The following WDFY4 variants were observed in gnomAD, a reference collection of about 807,000 sequenced individuals.
WDFY4 encodes WD repeat- and FYVE domain-containing protein 4.
WDFY4 carries 169 observed loss-of-function variants against 351.9 expected under a neutral mutation model. The ratio of observed to expected loss-of-function variants is 0.48; its 90% CI spans 0.42 to 0.55. The LOEUF (loss-of-function observed/expected upper bound fraction) is 0.55, where lower values mean the gene tolerates loss of function less well. Among genes scored for constraint, WDFY4 ranks in the 20% least tolerant of loss-of-function variants. The pLI is 0.00. For synonymous variants in WDFY4, 1,622 were observed against 1,574.6 expected (o/e 1.03, Z -0.71); for missense variants, 3,803 against 3,935.6 (o/e 0.97, Z 0.90).
intron 23 of WDFY4, among the ~76,000 whole-genome samples, chr10:48,793,673 C>A (rs11101487): frequency 0.051 from 7,738 of 152,200 alleles, 249 homozygotes; most frequent in Middle Eastern, 0.082. Context: ...TTCATAAGAG[C>A]GTGTGTCCGG....
intron 36 of WDFY4, among the ~76,000 whole-genome samples, chr10:48,827,886 G>T (rs544279558): frequency 3.8e-5 from 5 of 130,684 alleles, no homozygotes; most frequent in African/African-American, 1.8e-4. Context: ...GTTTAATTTG[G>T]GGAAGTTTTT....
intron 34 of WDFY4, among the ~76,000 whole-genome samples, chr10:48,821,868 C>G (rs1388685699): frequency 1.3e-5 from 2 of 152,198 alleles, no homozygotes; most frequent in Non-Finnish European, 2.9e-5. Context: ...TGCCACTGGA[C>G]AGTCATGCGA....
intron 58 of WDFY4, chr10:48,975,242 C>T (rs1842516736): frequency 4.2e-6 from 3 of 720,784 alleles, no homozygotes; most frequent in Admixed American, 4.6e-5. Flanking sequence ...ACTTTCCTCC[C>T]TCTGGTGTTG....
chr10:48,834,715 T>C (rs1015749192), intron 39 of WDFY4, among the ~76,000 whole-genome samples: 5 of 152,172 alleles, frequency 3.3e-5, no homozygotes, highest in African/African-American at 4.8e-5. Flanking sequence ...GGCTGGGAGC[T>C]AGGGAAGGAA....
chr10:48,800,842 C>T (rs1441404054), intron 24 of WDFY4, among the ~76,000 whole-genome samples: 3 of 151,324 alleles, frequency 2.0e-5, no homozygotes, highest in Admixed American at 2.0e-4. Context: ...AAGTAATTCT[C>T]CTGCCTCAGC....
intron 39 of WDFY4, among the ~76,000 whole-genome samples, chr10:48,865,428 T>C (rs2069509581): frequency 6.6e-6 from 1 of 152,222 alleles, no homozygotes; most frequent in Admixed American, 6.5e-5. Context: ...CACTTGGTCA[T>C]GGTATATAAT....
intron 43 of WDFY4, among the ~76,000 whole-genome samples, chr10:48,885,356 T>A (rs1313311055): frequency 6.6e-6 from 1 of 152,240 alleles, no homozygotes; most frequent in Non-Finnish European, 1.5e-5. Flanking sequence ...CGCTCCAATT[T>A]TAAGCAGTTG....
At chr10:48,842,170 A>T (rs1014002586) in intron 39 of WDFY4, among the ~76,000 whole-genome samples, 14 of 151,964 alleles carry the variant, frequency 9.2e-5, no homozygotes, top group Non-Finnish European at 1.3e-4. Context: ...GCAAATACAG[A>T]GGTTTAAGAG....
intron 47 of WDFY4, 65 bp downstream of exon 47, chr10:48,901,928 C>A: frequency 7.1e-7 from 1 of 1,413,404 alleles, no homozygotes; most frequent in Non-Finnish European, 9.8e-7. Flanking sequence ...CCTCCTCTGC[C>A]TCATCCCACT....
intron 39 of WDFY4, among the ~76,000 whole-genome samples, chr10:48,864,495 G>C (rs2133239087): frequency 6.6e-6 from 1 of 152,274 alleles, no homozygotes; most frequent in East Asian, 1.9e-4. Context: ...TTTACAGTAA[G>C]TTTTGAAATC....
At chr10:48,854,171 G>A (rs2069055571) in intron 39 of WDFY4, among the ~76,000 whole-genome samples, 1 of 146,944 alleles carries the variant, frequency 6.8e-6, no homozygotes, top group African/African-American at 2.5e-5. Context: ...GTACAGTGGT[G>A]CGATCTCAGC....
intron 39 of WDFY4, among the ~76,000 whole-genome samples, chr10:48,858,836 A>G (rs2069235951): frequency 6.6e-6 from 1 of 152,202 alleles, no homozygotes; most frequent in African/African-American, 2.4e-5. Flanking sequence ...ATTCATGAAC[A>G]TGATATGTTT....
At chr10:48,775,561 C>A (rs1392989447) in intron 14 of WDFY4, 151 bp from the exon 15 acceptor site, 7 of 707,488 alleles carry the variant, frequency 9.9e-6, no homozygotes, top group Non-Finnish European at 1.4e-5. Context: ...GGCAGAGACA[C>A]CCTGTCTCCA....
chr10:48,917,835 G>T (rs1223053142), intron 47 of WDFY4, among the ~76,000 whole-genome samples: 1 of 152,192 alleles, frequency 6.6e-6, no homozygotes, highest in African/African-American at 2.4e-5. Context: ...AGTAAATGTG[G>T]AGTATTTTTC....
chr10:48,900,166 G>A, intron 45 of WDFY4, 55 bp from the exon 46 acceptor site: 1 of 1,481,864 alleles, frequency 6.7e-7, no homozygotes, highest in Non-Finnish European at 9.2e-7. Flanking sequence ...TGTCACCCTG[G>A]GGCGTCTCTA....
chr10:48,745,723 C>T (rs2064989229), intron 12 of WDFY4: 3 of 558,420 alleles, frequency 5.4e-6, no homozygotes, highest in South Asian at 1.6e-5. Flanking sequence ...TTGAGCCAGG[C>T]GCCCCACGTA....
Position 48,954,509 on chromosome 10 carries a change from C to A in WDFY4, c.7978-2620C>A, listed in dbSNP as rs1841491597. Among the ~76,000 whole-genome samples the A allele has an allele frequency of 1.3e-5, 2 of 152,222 alleles. 1 individual carries two copies. The highest frequency in any genetic ancestry group is 4.1e-4 in the South Asian group (2 of 4,834). Reference sequence around the variant, plus strand: ...CTGGTTTATTTCATTTGGGTCTGGACTTTCCTTAGATAGACACTCTGTAAA... The same window carrying A: ...CTGGTTTATTTCATTTGGGTCTGGAATTTCCTTAGATAGACACTCTGTAAA... On this transcript the variant is annotated intron_variant, in intron 51 of 61. Transcript: ENST00000325239.
chr10:48,859,059 ACCG>A (rs944373678), intron 39 of WDFY4, among the ~76,000 whole-genome samples: 1 of 151,998 alleles, frequency 6.6e-6, no homozygotes, highest in Non-Finnish European at 1.5e-5. Flanking sequence ...ATATCCTGTG[ACCG>A]CATTTTTTTT....
chr10:48,729,682 T>C, intron 8 of WDFY4, 93 bp downstream of exon 8: 3 of 1,455,598 alleles, frequency 2.1e-6, no homozygotes, highest in South Asian at 2.7e-5. Flanking sequence ...TGTGTACCTT[T>C]CAATGGTGCA....
Sources: gnomAD v4.1 joint callset for allele counts (sites outside exome capture counted in the v4.1 genomes callset) on GRCh38, gnomAD v4.1.1 for gene constraint, MANE v1.5 for transcripts, NCBI Gene and HGNC (gene_info 2026-07-23, HGNC 2026-07-21) for gene names.